ZNRF1: variants seen among roughly 807,000 people sequenced by gnomAD.
ZNRF1 encodes E3 ubiquitin-protein ligase ZNRF1.
Under a neutral mutation model 18.4 loss-of-function variants are expected in ZNRF1, and 3 were observed. The observed-to-expected ratio is 0.16, with a 90% CI of 0.07 to 0.42. The LOEUF (loss-of-function observed/expected upper bound fraction) is 0.42. ZNRF1 is among the 10% of genes least tolerant of loss of function. ZNRF1 has a pLI of 0.99. For synonymous variants in ZNRF1, 157 were observed against 144.2 expected (o/e 1.09, Z -0.64); for missense variants, 310 against 329.8 (o/e 0.94, Z 0.47).
intron 2 of ZNRF1, among the ~76,000 whole-genome samples, chr16:75,102,233 G>C (rs918801980): frequency 6.6e-6 from 1 of 152,020 alleles, no homozygotes; most frequent in African/African-American, 2.4e-5. Flanking sequence ...AATAATAAGA[G>C]AACACAAAGA....
chr16:75,066,691 A>T (rs368851682), intron 1 of ZNRF1, among the ~76,000 whole-genome samples: 1 of 152,056 alleles, frequency 6.6e-6, no homozygotes, highest in Non-Finnish European at 1.5e-5. Flanking sequence ...TTTAGTAGAG[A>T]TGGGGTTTCA....
At chr16:75,076,938 A>C (rs1412138006) in intron 1 of ZNRF1, among the ~76,000 whole-genome samples, 1 of 152,004 alleles carries the variant, frequency 6.6e-6, no homozygotes, top group Non-Finnish European at 1.5e-5. Flanking sequence ...ACCTGGCAGC[A>C]CCTTGATCTT....
chr16:75,037,340 T>TTTTTG (rs1009845339), intron 1 of ZNRF1, among the ~76,000 whole-genome samples: 12 of 152,036 alleles, frequency 7.9e-5, no homozygotes, highest in Non-Finnish European at 1.5e-4. Flanking sequence ...CTCTTTTGTT[T>TTTTTG]TTTTGTTTTG....
At chr16:75,041,624 C>G (rs1184964032) in intron 1 of ZNRF1, among the ~76,000 whole-genome samples, 1 of 152,096 alleles carries the variant, frequency 6.6e-6, no homozygotes, top group African/African-American at 2.4e-5. Flanking sequence ...GCCACCGTGC[C>G]CAGTCCTCAC....
At chr16:75,026,149 C>A (rs1030772775) in intron 1 of ZNRF1, among the ~76,000 whole-genome samples, 2 of 152,126 alleles carry the variant, frequency 1.3e-5, no homozygotes, top group Admixed American at 1.3e-4. Flanking sequence ...GCAGAATAAT[C>A]AAATGACCAA....
intron 1 of ZNRF1, among the ~76,000 whole-genome samples, chr16:75,085,359 T>C (rs2036060612): frequency 6.6e-6 from 1 of 152,248 alleles, no homozygotes; most frequent in Non-Finnish European, 1.5e-5. Context: ...GTATCAGTAA[T>C]TCATTGCTTT....
At chr16:75,105,427 A>T (rs953468059) in intron 3 of ZNRF1, 1 of 153,190 alleles carries the variant, frequency 6.5e-6, no homozygotes, top group African/African-American at 2.4e-5. Flanking sequence ...CTCCAGTGTG[A>T]GCCTCGTCCT....
chr16:75,047,909 G>A (rs1475632765), intron 1 of ZNRF1, among the ~76,000 whole-genome samples: 4 of 151,708 alleles, frequency 2.6e-5, no homozygotes, highest in South Asian at 2.1e-4. Flanking sequence ...CCGCTTCTCC[G>A]TGTCCTGACA....
At chr16:75,023,038 A>G (rs773554062) in intron 1 of ZNRF1, among the ~76,000 whole-genome samples, 4 of 152,168 alleles carry the variant, frequency 2.6e-5, no homozygotes, top group Non-Finnish European at 5.9e-5. Flanking sequence ...AGGAACCCCC[A>G]ATGTTGAATA....
intron 1 of ZNRF1, among the ~76,000 whole-genome samples, chr16:75,085,791 T>TGAGAGAGAGAGAGAGAGAGA (rs71378737): frequency 1.1e-4 from 15 of 139,130 alleles, no homozygotes; most frequent in Admixed American, 2.9e-4. Context: ...TCCGACAGAG[T>TGAGAGAGAGAGAGAGAGAGA]GAGAGAGAGA....
chr16:75,064,976 C>T (rs998015915), intron 1 of ZNRF1, among the ~76,000 whole-genome samples: 1 of 152,154 alleles, frequency 6.6e-6, no homozygotes, highest in Non-Finnish European at 1.5e-5. Flanking sequence ...CAAACCTGGT[C>T]CTGCAGGAAT....
chr16:75,097,897 G>A (rs1429168319), intron 2 of ZNRF1, among the ~76,000 whole-genome samples: 1 of 152,216 alleles, frequency 6.6e-6, no homozygotes, highest in Admixed American at 6.5e-5. Flanking sequence ...AGCCTGCCCT[G>A]TGCCTGCAGG....
At chr16:75,030,220 G>A (rs963470227) in intron 1 of ZNRF1, among the ~76,000 whole-genome samples, 12 of 152,168 alleles carry the variant, frequency 7.9e-5, no homozygotes, top group Non-Finnish European at 1.8e-4. Context: ...ATAAACACAT[G>A]CATCTATGGT....
At chr16:75,047,839 G>A (rs1014636435) in intron 1 of ZNRF1, among the ~76,000 whole-genome samples, 6 of 152,144 alleles carry the variant, frequency 3.9e-5, no homozygotes, top group Non-Finnish European at 8.8e-5. Context: ...CGAGATCAAG[G>A]TATTAGCAGG....
chr16:75,018,354 C>G (rs2035098947), intron 1 of ZNRF1, among the ~76,000 whole-genome samples: 1 of 152,136 alleles, frequency 6.6e-6, no homozygotes, highest in Non-Finnish European at 1.5e-5. Flanking sequence ...TTCAGAGAAT[C>G]ACACCCTTTG....
intron 1 of ZNRF1, among the ~76,000 whole-genome samples, chr16:75,010,286 G>T (rs542325187): frequency 6.6e-6 from 1 of 152,168 alleles, no homozygotes; most frequent in East Asian, 1.9e-4. Context: ...CCCGGCCTGG[G>T]TTGCTTTTTT....
At chr16:75,070,589 A>G (rs985217538) in intron 1 of ZNRF1, among the ~76,000 whole-genome samples, 2 of 152,164 alleles carry the variant, frequency 1.3e-5, no homozygotes, top group East Asian at 1.9e-4. Flanking sequence ...ATATTACATC[A>G]TAAGCATACA....
Position 75,107,950 on chromosome 16 carries a change from G to C in ZNRF1, c.*250G>C. On this transcript the variant is annotated 3_prime_UTR_variant, in exon 5 of 5. Coordinates refer to ENST00000335325, the MANE Select transcript of ZNRF1 (RefSeq NM_032268.5). ...CACCCCTCAGCCCAGGAGGGAAAGG[G>C]CATTTTCTTTTTCATCTTTGAAAGG... The C allele has an allele frequency of 2.8e-6, 1 of 354,878 alleles. No individual in the cohort carries two copies. The highest frequency in any genetic ancestry group is 2.0e-5 in the South Asian group (1 of 49,154). 22.0% of individuals were successfully genotyped at this position (354,878 alleles called of 1,614,324 possible).
intron 1 of ZNRF1, among the ~76,000 whole-genome samples, chr16:75,001,411 T>TG (rs1331566592): frequency 8.4e-6 from 1 of 118,638 alleles, no homozygotes; most frequent in Non-Finnish European, 2.1e-5. Context: ...AAGTAGCTTG[T>TG]GAATTGTTAG....
Sources: allele counts gnomAD v4.1 joint callset (sites outside exome capture counted in the v4.1 genomes callset), GRCh38; gene constraint gnomAD v4.1.1; transcripts MANE v1.5; gene names NCBI Gene and HGNC (gene_info 2026-07-23, HGNC 2026-07-21).